Variants in COP1 observed in about 807,000 individuals in gnomAD.
The protein encoded by COP1 is COP1 E3 ubiquitin ligase.
COP1 carries 24 observed loss-of-function variants against 101.3 expected under a neutral mutation model. That is an observed-to-expected ratio of 0.24 (90% CI 0.17 to 0.33). The LOEUF (loss-of-function observed/expected upper bound fraction) is 0.33. COP1 is among the 10% of genes least tolerant of loss of function. COP1 has a pLI of 1.00. For missense variants in COP1, 663 were observed against 906.2 expected (o/e 0.73, Z 3.45); for synonymous variants, 347 against 341.9 (o/e 1.01, Z -0.17).
intron 5 of COP1, among the ~76,000 whole-genome samples, chr1:176,153,425 T>C (rs1229678691): frequency 1.3e-5 from 2 of 152,248 alleles, no homozygotes; most frequent in Admixed American, 1.3e-4. Flanking sequence ...TAGTGATTTC[T>C]GTACATTGAT....
chr1:176,016,786 G>C (rs1342718697), intron 15 of COP1, among the ~76,000 whole-genome samples: 5 of 151,166 alleles, frequency 3.3e-5, no homozygotes, highest in Non-Finnish European at 4.4e-5. Flanking sequence ...ATAAAACAAA[G>C]GTAAATAAAC....
intron 15 of COP1, among the ~76,000 whole-genome samples, chr1:175,997,317 C>T (rs1318190539): frequency 6.6e-6 from 1 of 152,130 alleles, no homozygotes; most frequent in Non-Finnish European, 1.5e-5. Context: ...CTAGGCAATA[C>T]CATTCAGGAC....
intron 15 of COP1, among the ~76,000 whole-genome samples, chr1:175,992,147 C>T (rs1168961895): frequency 1.3e-5 from 2 of 152,176 alleles, no homozygotes; most frequent in East Asian, 3.8e-4. Context: ...TTGATACAGG[C>T]ATGCAATGCA....
chr1:176,147,399 C>T (rs946819143), intron 6 of COP1, among the ~76,000 whole-genome samples: 2 of 152,086 alleles, frequency 1.3e-5, no homozygotes, highest in African/African-American at 4.8e-5. Flanking sequence ...TACCTAGCTC[C>T]TCAGAATTTC....
At chr1:176,012,727 C>T (rs751468379) in intron 15 of COP1, among the ~76,000 whole-genome samples, 4 of 152,116 alleles carry the variant, frequency 2.6e-5, no homozygotes, top group South Asian at 2.1e-4. Flanking sequence ...TTTAGATACA[C>T]GAATACTTAC....
Position 175,947,235 on chromosome 1 carries a change from G to T in COP1, c.2138C>A (p.Ser713Tyr). The T allele has an allele frequency of 6.2e-7, 1 of 1,606,782 alleles. No homozygotes were observed. The highest frequency in any genetic ancestry group is 8.5e-7 in the Non-Finnish European group (1 of 1,173,404). ...VCWRALPDGE[S>Y]NVLIAANSQG... ...ACTGTTAGCAGCAATCAGCACATTG[G>T]ACTCCTAGAAAAGAACAAGAGCTTT... Residue 713 changes from serine to tyrosine, a missense_variant, in exon 19 of 20, where the codon TCC (serine) becomes TAC (tyrosine). Ser to Tyr is a moderately radical substitution (Grantham distance 144). Transcript: ENST00000367669.
chr1:175,965,427 G>C (rs1651883836), intron 18 of COP1, among the ~76,000 whole-genome samples: 1 of 152,088 alleles, frequency 6.6e-6, no homozygotes, highest in Admixed American at 6.5e-5. Flanking sequence ...CTGACATTTT[G>C]TTACTTCATC....
intron 9 of COP1, among the ~76,000 whole-genome samples, chr1:176,096,753 T>A (rs929622960): frequency 6.6e-6 from 1 of 152,204 alleles, no homozygotes; most frequent in African/African-American, 2.4e-5. Flanking sequence ...GTTTTAACTA[T>A]GAAAAAGGAT....
intron 5 of COP1, among the ~76,000 whole-genome samples, chr1:176,150,571 A>G (rs927656434): frequency 1.3e-5 from 2 of 152,228 alleles, no homozygotes; most frequent in African/African-American, 2.4e-5. Flanking sequence ...ATCTCTAACT[A>G]TCTACGATTA....
chr1:176,143,681 A>G (rs1691101188), intron 6 of COP1, among the ~76,000 whole-genome samples: 1 of 152,008 alleles, frequency 6.6e-6, no homozygotes, highest in Non-Finnish European at 1.5e-5. Flanking sequence ...AAGTAGGGGG[A>G]CCAATTGTCC....
Position 176,142,320 on chromosome 1 carries a change from A to C in COP1, c.832-5773T>G, listed in dbSNP as rs150373671. 9.5e-3 allele frequency among the ~76,000 whole-genome samples: 1,439 copies of C among 152,230 alleles called. 13 individuals carry two copies. Among genetic ancestry groups the C allele is most frequent in the Non-Finnish European group, 0.014 (978 of 68,012 alleles). On this transcript the variant is annotated intron_variant, in intron 6 of 19. Coordinates refer to ENST00000367669, the MANE Select transcript of COP1 (RefSeq NM_022457.7). The stretch of plus-strand genomic sequence containing the variant: ...AAAGAAAAACAGAAAAGCAACAATA[A>C]TAAAAAAAGAAATATAAAACAAAAA...
At chr1:175,960,266 C>T (rs1426855014) in intron 18 of COP1, among the ~76,000 whole-genome samples, 1 of 152,148 alleles carries the variant, frequency 6.6e-6, no homozygotes, top group East Asian at 1.9e-4. Flanking sequence ...CAATTCAAAG[C>T]TCTAACGCTT....
intron 15 of COP1, among the ~76,000 whole-genome samples, chr1:176,000,998 A>G (rs773968989): frequency 1.3e-5 from 2 of 152,074 alleles, no homozygotes; most frequent in Non-Finnish European, 2.9e-5. Context: ...TTATGGCCAT[A>G]CATATTACAT....
chr1:176,108,104 T>C (rs977808622), intron 9 of COP1, among the ~76,000 whole-genome samples: 3 of 152,048 alleles, frequency 2.0e-5, no homozygotes, highest in Non-Finnish European at 4.4e-5. Context: ...AATTAAAAAG[T>C]AAAAATTTTA....
chr1:176,193,623 C>T (rs913708758), intron 1 of COP1, among the ~76,000 whole-genome samples: 6 of 151,604 alleles, frequency 4.0e-5, no homozygotes, highest in African/African-American at 1.2e-4. Flanking sequence ...ATTACTCAAC[C>T]ATAAAAAAGA....
At chr1:176,071,301 G>A (rs1676964985) in intron 11 of COP1, among the ~76,000 whole-genome samples, 1 of 151,892 alleles carries the variant, frequency 6.6e-6, no homozygotes, top group African/African-American at 2.4e-5. Context: ...TGATGATGAG[G>A]CCTCCCTAGA....
At chr1:176,066,341 A>G (rs999814587) in intron 11 of COP1, among the ~76,000 whole-genome samples, 1 of 152,040 alleles carries the variant, frequency 6.6e-6, no homozygotes, top group Non-Finnish European at 1.5e-5. Context: ...TCTCCTGTCA[A>G]TTTGTTGTCA....
At chr1:176,097,734 T>C (rs1276908168) in intron 9 of COP1, among the ~76,000 whole-genome samples, 4 of 151,910 alleles carry the variant, frequency 2.6e-5, no homozygotes, top group Non-Finnish European at 5.9e-5. Context: ...CTAGGTGTGG[T>C]GGGACATGCC....
chr1:175,994,306 C>A (rs918559077), intron 15 of COP1, among the ~76,000 whole-genome samples: 1 of 152,104 alleles, frequency 6.6e-6, no homozygotes, highest in Non-Finnish European at 1.5e-5. Context: ...AATTGTAAAG[C>A]CCATCGAGGC....
Sources: gnomAD v4.1 joint callset for allele counts (sites outside exome capture counted in the v4.1 genomes callset) on GRCh38, gnomAD v4.1.1 for gene constraint, MANE v1.5 for transcripts, NCBI Gene and HGNC (gene_info 2026-07-23, HGNC 2026-07-21) for gene names.